MAML3: variants seen among roughly 807,000 people sequenced by gnomAD.
MAML3 encodes mastermind-like protein 3.
In MAML3, 27 loss-of-function variants were observed where a neutral mutation model predicts 101.9. The observed-to-expected ratio is 0.27, with a 90% confidence interval of 0.20 to 0.37. MAML3 has a LOEUF of 0.37. Ranked by LOEUF, MAML3 falls within the 10% of genes least tolerant of loss-of-function variation. The probability of loss-of-function intolerance (pLI) is 1.00; values close to 1 mark genes in which losing one functional copy is unlikely to be tolerated. For missense variants in MAML3, 1,316 were observed against 1,444.9 expected, an observed-to-expected ratio of 0.91 and a Z score of 1.45; for synonymous variants, 501 against 555.9, an observed-to-expected ratio of 0.90 and a Z score of 1.39.
At chr4:140,128,845 G>T (rs1394530767) in intron 1 of MAML3, among the ~76,000 whole-genome samples, 1 of 152,200 alleles carries the variant, frequency 6.6e-6, no homozygotes, top group Non-Finnish European at 1.5e-5. Flanking sequence ...GCAGAGTGGA[G>T]AGACCCAGGC....
intron 1 of MAML3, among the ~76,000 whole-genome samples, chr4:140,151,717 A>C (rs1397262263): frequency 7.0e-6 from 1 of 143,402 alleles, no homozygotes. Flanking sequence ...CACCTTTCCC[A>C]AGCTTCCGGC....
chr4:140,144,089 CG>C (rs1377694819), intron 1 of MAML3, among the ~76,000 whole-genome samples: 1 of 152,164 alleles, frequency 6.6e-6, no homozygotes, highest in Admixed American at 6.5e-5. Flanking sequence ...TTCTCTGTTA[CG>C]GGTGTAATCT....
chr4:140,082,704 C>T (rs9647488), intron 1 of MAML3, among the ~76,000 whole-genome samples: 44,990 of 151,834 alleles, frequency 0.3, 7,200 homozygotes, highest in South Asian at 0.42. Flanking sequence ...CAACGCACCC[C>T]CACCAGGCTT....
At chr4:139,863,985 G>C (rs1054935094) in intron 2 of MAML3, among the ~76,000 whole-genome samples, 1 of 152,036 alleles carries the variant, frequency 6.6e-6, no homozygotes, top group African/African-American at 2.4e-5. Context: ...TATTTCATTA[G>C]TGGGCACATC....
In MAML3 at chr4:139,859,371, ATT is replaced by A. The variant is rs11343508; in HGVS notation, c.2079+29984_2079+29985del. 6.9e-3 allele frequency among the ~76,000 whole-genome samples: 968 copies of A among 140,598 alleles called. 10 individuals are homozygous for A. Among genetic ancestry groups the A allele is most frequent in the African/African-American group, 0.019 (737 of 37,898 alleles). The allele number at this position is 140,598 out of a possible 152,430, so 92.2% of individuals were successfully genotyped here. On this transcript the variant is annotated intron_variant, in intron 2 of 4. Transcript: ENST00000509479. ...TAGCATAGGCCACTATGCCTGGCTA[ATT>A]TTTTTTTTTTTTTTTCAGAGATGGG...
rs58209239 is a variant in MAML3, at chr4:139,894,511, A to AAAAGAAAGAAAGAAAG, written c.469-3560_469-3545dup. 3.5e-3 allele frequency among the ~76,000 whole-genome samples: 471 copies of AAAAGAAAGAAAGAAAG among 136,464 alleles called. 4 individuals are homozygous for AAAAGAAAGAAAGAAAG. The highest frequency in any genetic ancestry group is 0.011 in the African/African-American group (393 of 35,606). 89.5% of individuals were successfully genotyped at this position (136,464 alleles called of 152,430 possible). On this transcript the variant is annotated intron_variant, in intron 1 of 4. Transcript: ENST00000509479. ...CTGACAGAGCAAGACTCCATCTTAA[A>AAAAGAAAGAAAGAAAG]AAAGAAAGAAAGAAAGAAAGAAAGA...
intron 1 of MAML3, among the ~76,000 whole-genome samples, chr4:139,911,175 A>G (rs568423528): frequency 6.6e-6 from 1 of 152,110 alleles, no homozygotes; most frequent in South Asian, 2.1e-4. Flanking sequence ...TATTTCATTT[A>G]GCATCATGTC....
chr4:140,104,365 T>TA lies in MAML3; in HGVS notation c.468+48494dup, dbSNP rs1345008858. Among the ~76,000 whole-genome samples, 12 of 65,554 alleles carry TA rather than the reference T, an allele frequency of 1.8e-4. No homozygotes were observed. The South Asian group carries it at 5.6e-3, about 31-fold the overall frequency. The allele number at this position is 65,554 out of a possible 152,430, so 43.0% of individuals were successfully genotyped here. A position where few individuals can be genotyped will look rare whatever the true frequency, so the allele number is the denominator to read the frequency against. ...CAAAAAAAAAACCAAACCTATTTTA[T>TA]ATATATATATAATATATATATATTA... is the stretch of plus-strand genomic sequence containing the variant. On this transcript the variant is annotated intron_variant, in intron 1 of 4. Transcript: ENST00000509479.
At chr4:139,734,338 T>C (rs1728843035) in intron 2 of MAML3, among the ~76,000 whole-genome samples, 1 of 152,222 alleles carries the variant, frequency 6.6e-6, no homozygotes, top group Admixed American at 6.5e-5. Context: ...ATGTAATGCC[T>C]TGAAGCCAAA....
chr4:139,834,940 A>G (rs1731232351), intron 2 of MAML3, among the ~76,000 whole-genome samples: 2 of 152,194 alleles, frequency 1.3e-5, no homozygotes, highest in African/African-American at 4.8e-5. Context: ...TGATCACTGC[A>G]AAGGGAAAAG....
chr4:140,020,610 G>T (rs1226507790), intron 1 of MAML3, among the ~76,000 whole-genome samples: 3 of 152,214 alleles, frequency 2.0e-5, no homozygotes, highest in Non-Finnish European at 4.4e-5. Context: ...TTACATGTTT[G>T]GTTTCTTGTG....
intron 1 of MAML3, among the ~76,000 whole-genome samples, chr4:139,997,021 C>A (rs1218057241): frequency 6.6e-6 from 1 of 151,580 alleles, no homozygotes; most frequent in Non-Finnish European, 1.5e-5. Flanking sequence ...CGCGCCACTG[C>A]ACTCCAGTCT....
chr4:139,851,646 C>T (rs1302513888), intron 2 of MAML3, among the ~76,000 whole-genome samples: 1 of 152,220 alleles, frequency 6.6e-6, no homozygotes, highest in Non-Finnish European at 1.5e-5. Flanking sequence ...TGGTTGGGGG[C>T]ATTGGCTCAG....
At chr4:139,813,261 A>C (rs1361968667) in intron 2 of MAML3, among the ~76,000 whole-genome samples, 1 of 152,198 alleles carries the variant, frequency 6.6e-6, no homozygotes, top group Non-Finnish European at 1.5e-5. Context: ...AGAGAACATC[A>C]TAAAATTATC....
chr4:140,145,736 T>C (rs1293568714), intron 1 of MAML3, among the ~76,000 whole-genome samples: 1 of 151,924 alleles, frequency 6.6e-6, no homozygotes, highest in Non-Finnish European at 1.5e-5. Context: ...CGGCTAATTT[T>C]TGTATTTTTC....
At chr4:139,957,238 A>C (rs1237950599) in intron 1 of MAML3, among the ~76,000 whole-genome samples, 2 of 152,230 alleles carry the variant, frequency 1.3e-5, no homozygotes, top group African/African-American at 4.8e-5. Context: ...CTTAATCCTG[A>C]TATCTGTTCT....
intron 2 of MAML3, among the ~76,000 whole-genome samples, chr4:139,839,617 T>C (rs1473240356): frequency 1.3e-5 from 2 of 151,958 alleles, no homozygotes; most frequent in African/African-American, 4.8e-5. Flanking sequence ...TTTGTTGAAA[T>C]AAATATGGAA....
chr4:139,798,620 C>T (rs749756849), intron 2 of MAML3, among the ~76,000 whole-genome samples: 11 of 152,188 alleles, frequency 7.2e-5, no homozygotes, highest in Non-Finnish European at 1.3e-4. Flanking sequence ...TGCAATTTAC[C>T]TGGGAATCTC....
intron 3 of MAML3, among the ~76,000 whole-genome samples, chr4:139,729,471 AT>A (rs1244854311): frequency 6.6e-6 from 1 of 152,154 alleles, no homozygotes; most frequent in Non-Finnish European, 1.5e-5. Context: ...TTAAGAAAAA[AT>A]TCATAAAATT....
Sources: allele counts gnomAD v4.1 joint callset (sites outside exome capture counted in the v4.1 genomes callset), GRCh38; gene constraint gnomAD v4.1.1; transcripts MANE v1.5; gene names NCBI Gene and HGNC (gene_info 2026-07-23, HGNC 2026-07-21).